The following NFIB variants were observed in gnomAD, a reference collection of about 807,000 sequenced individuals.
NFIB encodes the protein nuclear factor I B.
A neutral mutation model predicts 61.5 loss-of-function variants in NFIB; 11 were observed. The observed-to-expected ratio is 0.18, with a 90% CI of 0.11 to 0.30. The LOEUF (loss-of-function observed/expected upper bound fraction) is 0.30, where lower values mean the gene tolerates loss of function less well. Among genes scored for constraint, NFIB ranks in the 10% least tolerant of loss-of-function variants. The pLI is 1.00. For missense variants in NFIB, 471 were observed against 608.9 expected (o/e 0.77, Z 2.38); for synonymous variants, 260 against 216.5 (o/e 1.20, Z -1.76).
At chr9:14,354,905 G>T (rs567609233) in intron 1 of NFIB, among the ~76,000 whole-genome samples, 1 of 152,010 alleles carries the variant, frequency 6.6e-6, no homozygotes, top group African/African-American at 2.4e-5. Flanking sequence ...GTCCTGTTGT[G>T]AACACTGTCA....
chr9:14,323,786 T>C (rs947523392), intron 1 of NFIB, among the ~76,000 whole-genome samples: 4 of 152,176 alleles, frequency 2.6e-5, no homozygotes, highest in Non-Finnish European at 5.9e-5. Flanking sequence ...CAACACGCAG[T>C]ATTTTTTTTT....
At chr9:14,245,701 C>T (rs1211837654) in intron 2 of NFIB, among the ~76,000 whole-genome samples, 2 of 152,018 alleles carry the variant, frequency 1.3e-5, no homozygotes, top group East Asian at 1.9e-4. Flanking sequence ...GGCAAAACCC[C>T]ATTTCTACCA....
chr9:14,236,502 G>A (rs1184663722), intron 2 of NFIB, among the ~76,000 whole-genome samples: 3 of 152,198 alleles, frequency 2.0e-5, no homozygotes, highest in Non-Finnish European at 4.4e-5. Context: ...CCATTTTCAT[G>A]TATCTAGATT....
At chr9:14,524,665 T>G in the NFIB span, among the ~76,000 whole-genome samples, 1 of 152,212 alleles carries the variant, frequency 6.6e-6, no homozygotes, top group Non-Finnish European at 1.5e-5. Context: ...GAGATGTTGG[T>G]GAACTAGCAG....
At chr9:14,370,207 A>C (rs568580918) in intron 1 of NFIB, among the ~76,000 whole-genome samples, 2 of 152,044 alleles carry the variant, frequency 1.3e-5, no homozygotes, top group African/African-American at 4.8e-5. Context: ...AAGCTTTTCC[A>C]CTCTTACCCC....
intron 10 of NFIB, among the ~76,000 whole-genome samples, chr9:14,108,160 AC>A (rs1432647389): frequency 6.6e-6 from 1 of 152,098 alleles, no homozygotes; most frequent in Non-Finnish European, 1.5e-5. Flanking sequence ...TTACATACCT[AC>A]CCAGAAGTCA....
intron 2 of NFIB, among the ~76,000 whole-genome samples, chr9:14,225,474 A>AAAAAAAAAAAAAAAAC (rs2052268358): frequency 1.1e-5 from 1 of 92,930 alleles, no homozygotes; most frequent in African/African-American, 5.9e-5. Flanking sequence ...AAAAAAAAAA[A>AAAAAAAAAAAAAAAAC]AAAAAAGAAG....
chr9:14,120,346 T>C lies in NFIB; in HGVS notation c.1245+94A>G. Reference sequence around the variant, plus strand: ...AGATGGATTTCAAGGCTTGACGTTCTGCCAGACACACTGTCTGACTAACCT... The same window carrying C: ...AGATGGATTTCAAGGCTTGACGTTCCGCCAGACACACTGTCTGACTAACCT... On this transcript the variant is annotated intron_variant, in intron 8 of 10. Transcript: ENST00000380953. The surrounding 1 kb of genome is among the most constrained non-coding windows in gnomAD (Gnocchi z 4.4). 2 of 1,330,894 alleles carry C rather than the reference T, an allele frequency of 1.5e-6. No homozygotes were observed. The highest frequency in any genetic ancestry group is 2.4e-5 in the South Asian group (2 of 82,954). 82.4% of individuals were successfully genotyped at this position (1,330,894 alleles called of 1,614,324 possible).
intron 1 of NFIB, among the ~76,000 whole-genome samples, chr9:14,348,672 C>T (rs2061065038): frequency 2.0e-5 from 3 of 152,224 alleles, no homozygotes; most frequent in Admixed American, 6.5e-5. Context: ...AGTGGGATGG[C>T]TCTGGGGGTG....
the NFIB span, among the ~76,000 whole-genome samples, chr9:14,464,582 G>C: frequency 6.6e-6 from 1 of 152,210 alleles, no homozygotes; most frequent in East Asian, 1.9e-4. Context: ...GAGGAGAACA[G>C]CTGATGGAGC....
chr9:14,472,799 C>T, the NFIB span, among the ~76,000 whole-genome samples: 2 of 151,892 alleles, frequency 1.3e-5, no homozygotes, highest in Non-Finnish European at 2.9e-5. Context: ...CGAGATCGAG[C>T]CAACGCACTG....
chr9:14,426,768 G>A, the NFIB span, among the ~76,000 whole-genome samples: 10 of 152,058 alleles, frequency 6.6e-5, no homozygotes, highest in African/African-American at 2.4e-4. Context: ...TTTGATATGG[G>A]CCCCTCCCAT....
At chr9:14,466,844 C>G in the NFIB span, among the ~76,000 whole-genome samples, 1 of 152,114 alleles carries the variant, frequency 6.6e-6, no homozygotes, top group East Asian at 1.9e-4. Flanking sequence ...TGAAAACACC[C>G]AAAGGATGGC....
chr9:14,230,975 G>A (rs117055611), intron 2 of NFIB, among the ~76,000 whole-genome samples: 1 of 122,532 alleles, frequency 8.2e-6, no homozygotes, highest in Admixed American at 8.3e-5. Flanking sequence ...AGGCAAAGGG[G>A]GAGCGGAGAA....
chr9:14,449,113 G>T, the NFIB span, among the ~76,000 whole-genome samples: 1 of 152,064 alleles, frequency 6.6e-6, no homozygotes, highest in Admixed American at 6.6e-5. Flanking sequence ...GACCTTAAAG[G>T]GCAGGATATT....
intron 1 of NFIB, among the ~76,000 whole-genome samples, chr9:14,309,408 C>A (rs1438110537): frequency 6.6e-6 from 1 of 152,098 alleles, no homozygotes; most frequent in African/African-American, 2.4e-5. Context: ...GTTCCTTCAC[C>A]AGAATAAGTA....
chr9:14,349,552 G>A (rs989566496), intron 1 of NFIB, among the ~76,000 whole-genome samples: 2 of 152,042 alleles, frequency 1.3e-5, no homozygotes, highest in South Asian at 4.1e-4. Flanking sequence ...GCTCGTTTGG[G>A]GTCCAAAGGG....
At chr9:14,460,341 G>T in the NFIB span, among the ~76,000 whole-genome samples, 1 of 151,180 alleles carries the variant, frequency 6.6e-6, no homozygotes, top group East Asian at 2.0e-4. Context: ...ACACAGGAAG[G>T]GGAACATCAC....
At chr9:14,341,266 G>T (rs2060946476) in intron 1 of NFIB, among the ~76,000 whole-genome samples, 1 of 152,186 alleles carries the variant, frequency 6.6e-6, no homozygotes, top group Admixed American at 6.5e-5. Context: ...ACCCGTGCTT[G>T]GTTGTGCAGG....
Sources: allele counts gnomAD v4.1 joint callset (sites outside exome capture counted in the v4.1 genomes callset), GRCh38; gene constraint gnomAD v4.1.1; non-coding constraint Gnocchi (gnomAD v3.1); transcripts MANE v1.5; gene names NCBI Gene and HGNC (gene_info 2026-07-23, HGNC 2026-07-21).